The following SMC3 variants were observed in gnomAD, a reference collection of about 807,000 sequenced individuals.
SMC3 encodes structural maintenance of chromosomes 3.
A neutral mutation model predicts 171.8 loss-of-function variants in SMC3; 20 were observed. That is an observed-to-expected ratio of 0.12 (90% CI 0.08 to 0.17). The LOEUF is 0.17. Among genes scored for constraint, SMC3 ranks in the 10% least tolerant of loss-of-function variants. SMC3 has a pLI of 1.00. For synonymous variants in SMC3, 464 were observed against 451.1 expected, an observed-to-expected ratio of 1.03 and a Z score of -0.36; for missense variants, 543 against 1,420.4, an observed-to-expected ratio of 0.38 and a Z score of 9.93.
intron 1 of SMC3, chr10:110,568,232 C>T (rs1418727411): frequency 1.9e-5 from 5 of 265,734 alleles, no homozygotes; most frequent in Non-Finnish European, 3.6e-5. Flanking sequence ...GGCCCATGTG[C>T]CTGGGATGTG....
Position 110,603,109 on chromosome 10 carries a change from A to T in SMC3, c.3476-75A>T. 2 of 1,518,454 alleles carry T rather than the reference A, an allele frequency of 1.3e-6. 1 individual carries two copies. The highest frequency in any genetic ancestry group is 3.4e-4 in the Middle Eastern group (2 of 5,826). 94.1% of individuals were successfully genotyped at this position (1,518,454 alleles called of 1,614,324 possible). A position where few individuals can be genotyped will look rare whatever the true frequency, so the allele number is the denominator to read the frequency against. ...TCAGGCAGTTTTGAATTTTAGTAAG[A>T]GTAAAGATAGTTGCTTTTTAAATTT... On this transcript the variant is annotated intron_variant, in intron 27 of 28. Coordinates refer to ENST00000361804, the MANE Select transcript of SMC3 (RefSeq NM_005445.4).
chr10:110,567,959 T>G, intron 1 of SMC3, 128 bp downstream of exon 1: 2 of 1,185,370 alleles, frequency 1.7e-6, no homozygotes, highest in South Asian at 1.3e-5. Context: ...GGGCGGGGAC[T>G]GTGGGGGAGG....
chr10:110,603,900 C>A (rs1052520893), intron 28 of SMC3, among the ~76,000 whole-genome samples: 1 of 151,964 alleles, frequency 6.6e-6, no homozygotes, highest in African/African-American at 2.4e-5. Flanking sequence ...TTGAGACCAA[C>A]GTGGCCAGTA....
intron 13 of SMC3, among the ~76,000 whole-genome samples, chr10:110,585,577 C>A (rs1052802358): frequency 2.0e-5 from 3 of 151,836 alleles, no homozygotes; most frequent in African/African-American, 7.3e-5. Context: ...GCGTGAGCCA[C>A]CATGCCCGGT....
At chr10:110,586,010 A>C (rs1296969025) in intron 13 of SMC3, among the ~76,000 whole-genome samples, 1 of 151,830 alleles carries the variant, frequency 6.6e-6, no homozygotes, top group East Asian at 1.9e-4. Context: ...GTTAGCCAGG[A>C]TGGTCTTGAT....
At chr10:110,591,421 AT>A (rs1467758783) in intron 17 of SMC3, among the ~76,000 whole-genome samples, 1 of 152,204 alleles carries the variant, frequency 6.6e-6, no homozygotes, top group Admixed American at 6.5e-5. Context: ...GAAACAAATC[AT>A]TGCAAATGTG....
intron 20 of SMC3, among the ~76,000 whole-genome samples, chr10:110,598,581 T>C (rs1281252741): frequency 2.0e-5 from 3 of 152,024 alleles, no homozygotes; most frequent in African/African-American, 7.3e-5. Flanking sequence ...TAATTTTGTG[T>C]TTTTAGTAGA....
At chr10:110,599,949 T>C (rs1372094198) in intron 21 of SMC3, 137 bp downstream of exon 21, 10 of 799,136 alleles carry the variant, frequency 1.3e-5, no homozygotes, top group Non-Finnish European at 2.1e-5. Flanking sequence ...TTAATATACA[T>C]AGGAGTAAAT....
chr10:110,598,677 A>T (rs1861338636), intron 20 of SMC3, among the ~76,000 whole-genome samples: 1 of 152,064 alleles, frequency 6.6e-6, no homozygotes, highest in Non-Finnish European at 1.5e-5. Flanking sequence ...AAGTGCTGGG[A>T]TTACAAGTGT....
chr10:110,584,016 A>G (rs538746426), intron 12 of SMC3, 54 bp downstream of exon 12: 2 of 1,596,958 alleles, frequency 1.3e-6, no homozygotes, highest in Admixed American at 1.7e-5. Flanking sequence ...ATGTAAAACT[A>G]GGTTGTCCGA....
intron 8 of SMC3, among the ~76,000 whole-genome samples, chr10:110,581,608 G>A (rs184198233): frequency 2.2e-4 from 34 of 152,188 alleles, no homozygotes; most frequent in African/African-American, 5.3e-4. Context: ...TTTGTTCTCT[G>A]GTGCTTTTCA....
intron 13 of SMC3, among the ~76,000 whole-genome samples, chr10:110,584,720 G>C (rs1391335706): frequency 6.6e-6 from 1 of 152,114 alleles, no homozygotes; most frequent in Non-Finnish European, 1.5e-5. Flanking sequence ...CCACCTTCCA[G>C]GCTCAGCGAT....
intron 3 of SMC3, 37 bp from the exon 4 acceptor site, chr10:110,575,299 T>C: frequency 6.6e-7 from 1 of 1,515,426 alleles, no homozygotes; most frequent in Non-Finnish European, 9.2e-7. Flanking sequence ...ATAAACACTT[T>C]TTTAGGGTAT....
intron 8 of SMC3, 114 bp from the exon 9 acceptor site, chr10:110,581,809 C>A: frequency 1.9e-6 from 2 of 1,043,524 alleles, no homozygotes; most frequent in Non-Finnish European, 2.9e-6. Flanking sequence ...CACATCACAT[C>A]AAAGAAATAA....
chr10:110,601,616 T>G, intron 23 of SMC3, 21 bp from the exon 24 acceptor site: 3 of 1,608,104 alleles, frequency 1.9e-6, no homozygotes, highest in Non-Finnish European at 2.5e-6. Flanking sequence ...TATAGCCTAA[T>G]TTTGTTTCCC....
intron 13 of SMC3, among the ~76,000 whole-genome samples, chr10:110,586,974 C>G (rs2134731660): frequency 6.6e-6 from 1 of 152,248 alleles, no homozygotes; most frequent in South Asian, 2.1e-4. Context: ...GCTTTTGCCT[C>G]TTGGTATAAT....
rs1372520823 is a variant in SMC3, at chr10:110,589,549, A to G, written c.1306-56A>G. The stretch of plus-strand genomic sequence containing the variant: ...ATCTGCAACCACTGATCTGCTTTCT[A>G]TCAGTGTAGATTAGTTTCATGAAAT... On this transcript the variant is annotated intron_variant, in intron 13 of 28. Coordinates refer to ENST00000361804, the MANE Select transcript of SMC3 (RefSeq NM_005445.4). 16 of 1,132,048 alleles carry G rather than the reference A, an allele frequency of 1.4e-5. No individual in the cohort carries two copies. In the East Asian group the frequency reaches 1.8e-4, roughly 12 times the overall value. 70.1% of individuals were successfully genotyped at this position (1,132,048 alleles called of 1,614,324 possible).
At chr10:110,568,886 A>G (rs1860824902) in intron 1 of SMC3, 52 bp from the exon 2 acceptor site, 1 of 1,021,292 alleles carries the variant, frequency 9.8e-7, no homozygotes, top group Admixed American at 1.7e-5. Flanking sequence ...CAAGAGAAAA[A>G]TGTTAATTTT....
At chr10:110,569,241 G>A (rs528031029) in intron 2 of SMC3, among the ~76,000 whole-genome samples, 1 of 150,912 alleles carries the variant, frequency 6.6e-6, no homozygotes, top group Non-Finnish European at 1.5e-5. Context: ...TATCTAGGTA[G>A]CCTTGTATGT....
Sources: allele counts gnomAD v4.1 joint callset (sites outside exome capture counted in the v4.1 genomes callset), GRCh38; gene constraint gnomAD v4.1.1; transcripts MANE v1.5; gene names NCBI Gene and HGNC (gene_info 2026-07-23, HGNC 2026-07-21).